PDE4D: variants seen among roughly 807,000 people sequenced by gnomAD.
The protein encoded by PDE4D is phosphodiesterase 4D.
A neutral mutation model predicts 87.4 loss-of-function variants in PDE4D; 24 were observed. That is an observed-to-expected ratio of 0.27 (90% CI 0.20 to 0.39). PDE4D has a LOEUF of 0.39. Ranked by LOEUF, PDE4D falls within the 10% of genes least tolerant of loss-of-function variation. PDE4D has a pLI of 1.00. For synonymous variants in PDE4D, 384 were observed against 383.2 expected (o/e 1.00, Z -0.02); for missense variants, 714 against 1,041.0 (o/e 0.69, Z 4.32).
chr5:60,122,104 G>T (rs757433426), intron 2 of PDE4D, among the ~76,000 whole-genome samples: 1 of 152,204 alleles, frequency 6.6e-6, no homozygotes, highest in Non-Finnish European at 1.5e-5. Flanking sequence ...GGGTTCCCAT[G>T]GTCTTGGGCA....
intron 1 of PDE4D, among the ~76,000 whole-genome samples, chr5:59,485,734 C>A (rs1805022290): frequency 6.6e-6 from 1 of 151,992 alleles, no homozygotes; most frequent in Non-Finnish European, 1.5e-5. Flanking sequence ...AAGATTAGAG[C>A]CTACACTGTC....
At chr5:60,211,642 T>C (rs1743242330) in intron 1 of PDE4D, among the ~76,000 whole-genome samples, 1 of 151,584 alleles carries the variant, frequency 6.6e-6, no homozygotes, top group Non-Finnish European at 1.5e-5. Context: ...ATTTAATGTT[T>C]CCATATTTGT....
At chr5:59,257,549 T>C (rs912958594) in intron 1 of PDE4D, among the ~76,000 whole-genome samples, 30 of 152,052 alleles carry the variant, frequency 2.0e-4, no homozygotes, top group African/African-American at 7.0e-4. Context: ...TAGAATTTTT[T>C]TTTACTCACA....
At chr5:59,111,531 A>T (rs1301310231) in intron 5 of PDE4D, among the ~76,000 whole-genome samples, 1 of 152,216 alleles carries the variant, frequency 6.6e-6, no homozygotes, top group Admixed American at 6.5e-5. Context: ...CCATTTATAC[A>T]AATTCAGTTT....
Position 58,976,373 on chromosome 5 carries a change from CAAG to C in PDE4D, c.1804_1806del (p.Leu602del), listed in dbSNP as rs754464616. 53 of 1,610,676 alleles carry C rather than the reference CAAG, an allele frequency of 3.3e-5. No homozygotes were observed. Among genetic ancestry groups the C allele is most frequent in the Middle Eastern group, 1.6e-4 (1 of 6,078 alleles). The stretch of plus-strand genomic sequence containing the variant: ...ACCTGAATCCTATCGGAATAATTAT[CAAG>C]AAGAAGAACTCCAGAGCTTGTCACT... On this transcript the variant is annotated inframe_deletion, in exon 13 of 15. Transcript: ENST00000340635.
chr5:59,908,475 C>T (rs889136868), intron 3 of PDE4D, among the ~76,000 whole-genome samples: 2 of 152,150 alleles, frequency 1.3e-5, no homozygotes, highest in Non-Finnish European at 1.5e-5. Context: ...ATAATTTCTA[C>T]TGAAAACTTT....
chr5:59,393,955 G>C (rs573094935), intron 1 of PDE4D, among the ~76,000 whole-genome samples: 22 of 152,290 alleles, frequency 1.4e-4, no homozygotes, highest in Non-Finnish European at 2.9e-4. Context: ...CATTCTATAA[G>C]GGTTAGAAAT....
chr5:60,032,953 T>C (rs1767402152), intron 2 of PDE4D: 1 of 152,162 alleles, frequency 6.6e-6, no homozygotes, highest in Non-Finnish European at 1.5e-5. Context: ...GTCAGGAGAA[T>C]AATACGGCAT....
intron 1 of PDE4D, among the ~76,000 whole-genome samples, chr5:60,350,387 C>A (rs1182891048): frequency 2.0e-5 from 3 of 152,148 alleles, no homozygotes; most frequent in African/African-American, 7.2e-5. Context: ...TCTCATCTCT[C>A]CAGGCTAGGA....
intron 1 of PDE4D, among the ~76,000 whole-genome samples, chr5:60,291,344 T>C (rs978176825): frequency 4.6e-5 from 7 of 152,162 alleles, no homozygotes; most frequent in Admixed American, 6.5e-5. Context: ...GCTATCCAGG[T>C]AATAAAAGTG....
At chr5:60,028,436 G>A (rs933603932) in intron 2 of PDE4D, among the ~76,000 whole-genome samples, 1 of 152,050 alleles carries the variant, frequency 6.6e-6, no homozygotes, top group Non-Finnish European at 1.5e-5. Flanking sequence ...GGGTCTGTCT[G>A]CCCTCATTGT....
chr5:59,423,374 C>T (rs1284050683), intron 1 of PDE4D, among the ~76,000 whole-genome samples: 1 of 152,060 alleles, frequency 6.6e-6, no homozygotes, highest in Non-Finnish European at 1.5e-5. Flanking sequence ...TGAAATTGTC[C>T]CTGTCAGGAT....
At chr5:59,413,665 G>A (rs1431148684) in intron 1 of PDE4D, among the ~76,000 whole-genome samples, 1 of 152,112 alleles carries the variant, frequency 6.6e-6, no homozygotes, top group Non-Finnish European at 1.5e-5. Context: ...TCTCACAGAT[G>A]TGATATGCGG....
intron 11 of PDE4D, among the ~76,000 whole-genome samples, chr5:58,978,818 G>T (rs1248047922): frequency 6.6e-6 from 1 of 152,096 alleles, no homozygotes; most frequent in African/African-American, 2.4e-5. Context: ...AACTTTTATA[G>T]TGTCTATAAA....
At chr5:59,217,989 C>A in intron 1 of PDE4D, 1 of 487,824 alleles carries the variant, frequency 2.0e-6, no homozygotes, top group Non-Finnish European at 4.1e-6. Flanking sequence ...GAATGACTAA[C>A]TCAGGCTGGG....
At chr5:59,726,014 C>A (rs1160838700) in intron 1 of PDE4D, among the ~76,000 whole-genome samples, 1 of 152,056 alleles carries the variant, frequency 6.6e-6, no homozygotes, top group Non-Finnish European at 1.5e-5. Context: ...TATTAATGCC[C>A]ACACCACTGT....
intron 1 of PDE4D, among the ~76,000 whole-genome samples, chr5:59,443,938 A>G (rs1378606286): frequency 6.6e-6 from 1 of 151,574 alleles, no homozygotes; most frequent in Non-Finnish European, 1.5e-5. Flanking sequence ...AGAGAAATAA[A>G]TGACTTGTTT....
intron 1 of PDE4D, among the ~76,000 whole-genome samples, chr5:59,272,373 T>C (rs1028494152): frequency 7.9e-5 from 12 of 152,092 alleles, no homozygotes; most frequent in African/African-American, 2.9e-4. Context: ...TCAAGGAATA[T>C]GTAAGGTAAT....
intron 1 of PDE4D, among the ~76,000 whole-genome samples, chr5:59,452,411 T>C (rs959159627): frequency 5.3e-5 from 8 of 152,132 alleles, no homozygotes; most frequent in African/African-American, 1.9e-4. Flanking sequence ...AGAGTTGAAA[T>C]GCCAAATAGG....
Sources: allele counts gnomAD v4.1 joint callset (sites outside exome capture counted in the v4.1 genomes callset), GRCh38; gene constraint gnomAD v4.1.1; transcripts MANE v1.5; gene names NCBI Gene and HGNC (gene_info 2026-07-23, HGNC 2026-07-21).